NEXMIF: variants seen among roughly 807,000 people sequenced by gnomAD.
NEXMIF encodes neurite extension and migration factor.
Under a neutral mutation model 62.1 loss-of-function variants are expected in NEXMIF, and 8 were observed. That is an observed-to-expected ratio of 0.13 (90% confidence interval 0.08 to 0.23). The LOEUF is 0.23. Among genes scored for constraint, NEXMIF ranks in the 10% least tolerant of loss-of-function variants. The pLI is 1.00. For synonymous variants in NEXMIF, 404 were observed against 416.6 expected, an observed-to-expected ratio of 0.97 and a Z score of 0.37; for missense variants, 976 against 1,113.3, an observed-to-expected ratio of 0.88 and a Z score of 1.75.
intron 1 of NEXMIF, among the ~76,000 whole-genome samples, chrX:74,869,853 T>C (rs779630801): frequency 9.0e-6 from 1 of 111,684 alleles, no homozygotes; most frequent in Non-Finnish European, 1.9e-5. Context: ...TCCATGTTAA[T>C]GGATTGCAAG....
chrX:74,871,718 G>A (rs1289039296), intron 1 of NEXMIF, among the ~76,000 whole-genome samples: 3 of 111,519 alleles, frequency 2.7e-5, no homozygotes, highest in African/African-American at 6.5e-5. Context: ...CTTTCTGTGA[G>A]AAGAAAAATA....
At chrX:74,840,385 A>G (rs1274294500) in intron 1 of NEXMIF, among the ~76,000 whole-genome samples, 1 of 111,709 alleles carries the variant, frequency 9.0e-6, no homozygotes, top group Non-Finnish European at 1.9e-5. Context: ...AGAGGACACA[A>G]ATAAAGGGAA....
At chrX:74,819,887 CAT>C (rs1475189946) in intron 1 of NEXMIF, among the ~76,000 whole-genome samples, 9 of 111,822 alleles carry the variant, frequency 8.0e-5, no homozygotes, top group African/African-American at 2.6e-4. Flanking sequence ...CACATGCACA[CAT>C]ATGTTTATTG....
intron 1 of NEXMIF, among the ~76,000 whole-genome samples, chrX:74,878,591 G>A (rs1236605974): frequency 8.9e-6 from 1 of 112,561 alleles, no homozygotes; most frequent in African/African-American, 3.2e-5. Context: ...CCCCAGCCTC[G>A]CTGCCACCTT....
intron 1 of NEXMIF, among the ~76,000 whole-genome samples, chrX:74,820,547 A>T (rs935088319): frequency 9.0e-6 from 1 of 111,585 alleles, no homozygotes; most frequent in Non-Finnish European, 1.9e-5. Flanking sequence ...ATTAAGACAC[A>T]TGCATGAGTA....
At chrX:74,821,168 C>T (rs60542689) in intron 1 of NEXMIF, among the ~76,000 whole-genome samples, 6,593 of 110,872 alleles carry the variant, frequency 0.059, 242 homozygotes, top group African/African-American at 0.14. Context: ...GGACCCTTTC[C>T]TGCCCTCTCT....
intron 1 of NEXMIF, among the ~76,000 whole-genome samples, chrX:74,847,137 T>A (rs1012529724): frequency 8.9e-6 from 1 of 112,119 alleles, no homozygotes; most frequent in African/African-American, 3.2e-5. Context: ...GCCTCCTACA[T>A]ATTTGGCTTT....
intron 1 of NEXMIF, among the ~76,000 whole-genome samples, chrX:74,769,225 C>T (rs1358102851): frequency 2.7e-5 from 3 of 110,803 alleles, no homozygotes; most frequent in Non-Finnish European, 5.7e-5. Context: ...AAAACAAAAA[C>T]AAAAACAAAA....
intron 1 of NEXMIF, among the ~76,000 whole-genome samples, chrX:74,758,462 T>C (rs758132271): frequency 8.1e-5 from 9 of 111,773 alleles, no homozygotes; most frequent in African/African-American, 2.9e-4. Flanking sequence ...ATTTGTTATA[T>C]AGGTCATAAC....
intron 1 of NEXMIF, among the ~76,000 whole-genome samples, chrX:74,757,517 A>G (rs1275853717): frequency 8.9e-6 from 1 of 111,970 alleles, no homozygotes; most frequent in Non-Finnish European, 1.9e-5. Flanking sequence ...TCTTATCTCC[A>G]TGGAATAGAG....
chrX:74,849,486 C>T (rs1405962890), intron 1 of NEXMIF, among the ~76,000 whole-genome samples: 1 of 112,027 alleles, frequency 8.9e-6, no homozygotes, highest in Non-Finnish European at 1.9e-5. Context: ...TGATGGCATG[C>T]TCCAGAGAGG....
chrX:74,872,875 G>T (rs1225027981), intron 1 of NEXMIF, among the ~76,000 whole-genome samples: 1 of 108,930 alleles, frequency 9.2e-6, no homozygotes, highest in Non-Finnish European at 1.9e-5. Flanking sequence ...AAAAATACCT[G>T]TCACCTACTG....
At chrX:74,793,128 C>T (rs2080291660) in intron 1 of NEXMIF, among the ~76,000 whole-genome samples, 1 of 111,143 alleles carries the variant, frequency 9.0e-6, no homozygotes, top group African/African-American at 3.3e-5. Flanking sequence ...TGTTCCTTTC[C>T]ATGTTTAGTG....
At chrX:74,876,120 G>A (rs958469794) in intron 1 of NEXMIF, among the ~76,000 whole-genome samples, 1 of 110,557 alleles carries the variant, frequency 9.0e-6, no homozygotes, top group Non-Finnish European at 1.9e-5. Flanking sequence ...TTTCTCTTGT[G>A]GGCATTTAGT....
At chrX:74,752,894 G>T (rs1390812748) in intron 1 of NEXMIF, among the ~76,000 whole-genome samples, 1 of 111,537 alleles carries the variant, frequency 9.0e-6, no homozygotes, top group Non-Finnish European at 1.9e-5. Context: ...TCTTTCTAAA[G>T]ACAGTCACTT....
chrX:74,801,364 A>G (rs1379663664), intron 1 of NEXMIF, among the ~76,000 whole-genome samples: 1 of 111,988 alleles, frequency 8.9e-6, no homozygotes, highest in African/African-American at 3.3e-5. Context: ...TATGGTAAGA[A>G]TATGATAAGC....
chrX:74,760,551 A>T (rs148198870), intron 1 of NEXMIF, among the ~76,000 whole-genome samples: 2,578 of 111,562 alleles, frequency 0.023, 77 homozygotes, highest in African/African-American at 0.08. Context: ...TATTATTTTG[A>T]AGTATGTTCC....
At chrX:74,817,750 A>G (rs1478072863) in intron 1 of NEXMIF, among the ~76,000 whole-genome samples, 2 of 111,658 alleles carry the variant, frequency 1.8e-5, no homozygotes, top group Non-Finnish European at 3.8e-5. Context: ...CAATTCTAGC[A>G]TCTCTAATCT....
At position 74,740,660 on chromosome X, in the gene NEXMIF, G is replaced by A. The variant is rs761330938; in HGVS notation, c.3897C>T (p.Gly1299=). ...CATCCAGAAGGCTGTTGGTGTTGGT[G>A]CCCATGCTCATATCACTCCAGCCTG... is the stretch of plus-strand genomic sequence containing the variant. ...SSPGWSDMSM[G]TNTNSLLDDD... is the part of the protein sequence containing the mutation. Residue 1299 remains glycine (G), a synonymous_variant, in exon 3 of 4, where the codon GGC becomes GGT. Coordinates refer to ENST00000055682, the MANE Select transcript of NEXMIF (RefSeq NM_001008537.3). The A allele has an allele frequency of 8.3e-7, 1 of 1,211,694 alleles. No individual in the cohort carries two copies. The highest frequency in any genetic ancestry group is 1.1e-6 in the Non-Finnish European group (1 of 895,364).
Sources: allele counts gnomAD v4.1 joint callset (sites outside exome capture counted in the v4.1 genomes callset), GRCh38; gene constraint gnomAD v4.1.1; transcripts MANE v1.5; gene names NCBI Gene and HGNC (gene_info 2026-07-23, HGNC 2026-07-21).